FARSB: variants seen among roughly 807,000 people sequenced by gnomAD.
The protein encoded by FARSB is phenylalanine--tRNA ligase beta subunit.
FARSB carries 40 observed loss-of-function variants against 69.6 expected under a neutral mutation model. The ratio of observed to expected loss-of-function variants is 0.57; its 90% CI spans 0.45 to 0.75. FARSB has a LOEUF of 0.75. Ranked by LOEUF, FARSB falls within the 30% of genes least tolerant of loss-of-function variation. FARSB has a pLI of 0.00. For synonymous variants in FARSB, 235 were observed against 247.2 expected (o/e 0.95, Z 0.46); for missense variants, 632 against 722.9 (o/e 0.87, Z 1.44).
intron 13 of FARSB, among the ~76,000 whole-genome samples, chr2:222,621,022 G>A (rs537724906): frequency 3.0e-4 from 46 of 152,296 alleles, no homozygotes; most frequent in African/African-American, 1.0e-3. Flanking sequence ...GGGGATAAGC[G>A]TTTTCCCCAC....
chr2:222,617,450 G>A (rs1451862459), intron 14 of FARSB, among the ~76,000 whole-genome samples: 1 of 152,202 alleles, frequency 6.6e-6, no homozygotes, highest in African/African-American at 2.4e-5. Context: ...AGAGAGAGGT[G>A]GGGAGCAAGA....
chr2:222,637,828 T>A lies in FARSB; in HGVS notation c.455+1752A>T, dbSNP rs188714415. Reference sequence around the variant, plus strand: ...AGACCCCTGTCTCTACAAAAAAATTTAAAAATTAGCCAGGTGTGGTGACTC... The same window carrying A: ...AGACCCCTGTCTCTACAAAAAAATTAAAAAATTAGCCAGGTGTGGTGACTC... On this transcript the variant is annotated intron_variant, in intron 5 of 16. Coordinates refer to ENST00000281828, the MANE Select transcript of FARSB (RefSeq NM_005687.5). 1.5e-3 allele frequency among the ~76,000 whole-genome samples: 221 copies of A among 151,886 alleles called. 1 individual carries two copies. Among genetic ancestry groups the A allele is most frequent in the Admixed American group, 0.013 (193 of 15,250 alleles).
At chr2:222,641,391 T>C (rs925953614) in intron 3 of FARSB, among the ~76,000 whole-genome samples, 5 of 152,252 alleles carry the variant, frequency 3.3e-5, no homozygotes, top group African/African-American at 9.6e-5. Context: ...AAAGATTTGG[T>C]AAATGGTGCA....
chr2:222,633,335 T>C (rs770604760), intron 6 of FARSB, 28 bp from the exon 7 acceptor site: 1 of 1,148,080 alleles, frequency 8.7e-7, no homozygotes, highest in South Asian at 1.3e-5. Flanking sequence ...CAAATAAAAT[T>C]AGTTTTTTTT....
At chr2:222,604,270 CAG>C (rs1251141272) in intron 15 of FARSB, among the ~76,000 whole-genome samples, 4 of 148,302 alleles carry the variant, frequency 2.7e-5, no homozygotes, top group Admixed American at 2.0e-4. Context: ...ATATGATAAA[CAG>C]ATGTTTTATT....
At chr2:222,646,265 A>C (rs1289085385) in intron 2 of FARSB, among the ~76,000 whole-genome samples, 2 of 152,158 alleles carry the variant, frequency 1.3e-5, no homozygotes, top group South Asian at 2.1e-4. Context: ...TTTAACTTCT[A>C]CTTCCCGGTA....
chr2:222,616,992 T>TTAA (rs1365762791), intron 14 of FARSB, among the ~76,000 whole-genome samples: 1 of 4,658 alleles, frequency 2.1e-4, no homozygotes. Context: ...ATTCTTTTTT[T>TTAA]TTTTTTTTTT....
intron 8 of FARSB, among the ~76,000 whole-genome samples, chr2:222,630,924 C>G (rs1161535519): frequency 2.0e-5 from 3 of 152,168 alleles, no homozygotes; most frequent in Non-Finnish European, 2.9e-5. Flanking sequence ...ATAAGATGTA[C>G]ATGAATACCA....
rs1465596576 is a variant in FARSB at position 222,600,565 on chromosome 2, A to G, written c.1463-482T>C. On this transcript the variant is annotated intron_variant, in intron 15 of 16. Transcript: ENST00000281828. ...AAGTACAGTGCAATCACTCATCAGG[A>G]TACTAAGCGGCTATTAGAAAGCATC... is the stretch of plus-strand genomic sequence containing the variant. Among the ~76,000 whole-genome samples the G allele has an allele frequency of 3.3e-5, 5 of 152,228 alleles. 1 individual carries two copies. The highest frequency in any genetic ancestry group is 9.6e-5 in the African/African-American group (4 of 41,454).
chr2:222,631,363 T>G (rs1691419340), intron 8 of FARSB, among the ~76,000 whole-genome samples: 1 of 152,208 alleles, frequency 6.6e-6, no homozygotes, highest in African/African-American at 2.4e-5. Flanking sequence ...AAGAGACATG[T>G]AACTCATTAT....
At chr2:222,598,118 A>C (rs758086295) in intron 16 of FARSB, among the ~76,000 whole-genome samples, 3 of 152,082 alleles carry the variant, frequency 2.0e-5, no homozygotes, top group African/African-American at 7.2e-5. Flanking sequence ...GAAACTCCCT[A>C]TTGTTTTTCT....
chr2:222,597,782 C>A (rs190305668), intron 16 of FARSB, among the ~76,000 whole-genome samples: 37 of 152,276 alleles, frequency 2.4e-4, no homozygotes, highest in African/African-American at 8.7e-4. Flanking sequence ...AAATCCCTTC[C>A]CACCATTCTC....
intron 3 of FARSB, among the ~76,000 whole-genome samples, chr2:222,641,566 A>G (rs757321319): frequency 3.9e-5 from 6 of 152,222 alleles, no homozygotes; most frequent in Non-Finnish European, 8.8e-5. Context: ...CTGCATTTCT[A>G]GTAAGTTCTC....
intron 2 of FARSB, among the ~76,000 whole-genome samples, chr2:222,646,842 T>C (rs1250636697): frequency 6.6e-6 from 1 of 152,250 alleles, no homozygotes; most frequent in African/African-American, 2.4e-5. Flanking sequence ...TGTATAGTTA[T>C]GACTTTTTCA....
intron 16 of FARSB, among the ~76,000 whole-genome samples, chr2:222,599,295 T>A (rs993989766): frequency 6.6e-6 from 1 of 152,182 alleles, no homozygotes; most frequent in Non-Finnish European, 1.5e-5. Context: ...TGCAGAAATA[T>A]GAAAAGCAAA....
intron 5 of FARSB, among the ~76,000 whole-genome samples, chr2:222,638,787 C>A (rs1691647356): frequency 6.6e-6 from 1 of 152,152 alleles, no homozygotes; most frequent in Non-Finnish European, 1.5e-5. Context: ...AATTCTTTTT[C>A]TATTTTTATT....
At position 222,631,250 on chromosome 2, in the gene FARSB, A is replaced by C. The variant is rs80059919; in HGVS notation, c.786+354T>G. Among the ~76,000 whole-genome samples, 23 of 152,216 alleles carry C rather than the reference A, an allele frequency of 1.5e-4. No individual in the cohort carries two copies. In the East Asian group the frequency reaches 3.9e-3, roughly 26 times the overall value. On this transcript the variant is annotated intron_variant, in intron 8 of 16. Coordinates refer to ENST00000281828, the MANE Select transcript of FARSB (RefSeq NM_005687.5). ...ATTACTCCGCATATAAATTAAGTCA[A>C]CTAGATAAACAATTTATATGGATTT...
chr2:222,631,512 C>A, intron 8 of FARSB, 92 bp downstream of exon 8: 2 of 751,028 alleles, frequency 2.7e-6, no homozygotes, highest in Non-Finnish European at 4.8e-6. Context: ...CTACAAAATG[C>A]ACATATTTTA....
chr2:222,648,196 G>A (rs372646311), intron 2 of FARSB, among the ~76,000 whole-genome samples: 7 of 152,048 alleles, frequency 4.6e-5, no homozygotes, highest in Admixed American at 2.6e-4. Context: ...TTTAAATATT[G>A]TAATCATTAT....
Sources: gnomAD v4.1 joint callset for allele counts (sites outside exome capture counted in the v4.1 genomes callset) on GRCh38, gnomAD v4.1.1 for gene constraint, MANE v1.5 for transcripts, NCBI Gene and HGNC (gene_info 2026-07-23, HGNC 2026-07-21) for gene names.